The following F5 variants were observed in gnomAD, a reference collection of about 807,000 sequenced individuals.
F5 encodes the protein coagulation factor V, also known as activated protein c cofactor.
In F5, 138 loss-of-function variants were observed where a neutral mutation model predicts 216.4. That is an observed-to-expected ratio of 0.64 (90% CI 0.56 to 0.73). The LOEUF (loss-of-function observed/expected upper bound fraction) is 0.73, where lower values mean the gene tolerates loss of function less well. Among genes scored for constraint, F5 ranks in the 30% least tolerant of loss-of-function variants. F5 has a pLI of 0.00. For missense variants in F5, 2,403 were observed against 2,674.0 expected (o/e 0.90, Z 2.24); for synonymous variants, 916 against 930.7 (o/e 0.98, Z 0.29).
chr1:169,556,622 A>AAGACTGTC (rs772216626), intron 6 of F5, 24 bp downstream of exon 6: 181 of 1,611,142 alleles, frequency 1.1e-4, no homozygotes, highest in Non-Finnish European at 1.5e-4. Context: ...ATTGAGAAGC[A>AAGACTGTC]AGACTGTCAG....
At chr1:169,564,262 C>T (rs1230320836) in intron 3 of F5, among the ~76,000 whole-genome samples, 2 of 152,092 alleles carry the variant, frequency 1.3e-5, no homozygotes, top group African/African-American at 4.8e-5. Context: ...ATGTGCAGAT[C>T]AGTATTCAAC....
Position 169,542,059 on chromosome 1 carries a change from C to A in F5, c.3031G>T (p.Val1011Leu). The A allele has an allele frequency of 5.0e-6, 8 of 1,614,044 alleles. No homozygotes were observed. The highest frequency in any genetic ancestry group is 1.7e-5 in the Admixed American group (1 of 60,000). Residue 1011 changes from valine to leucine, a missense_variant, in exon 13 of 25, where the codon GTA (valine) becomes TTA (leucine). By Grantham distance (32) the Val-to-Leu change is conservative. This residue lies in a region of F5 where 1,425 missense variants were observed against 1,554.8 expected (regional missense o/e 0.92). Transcript: ENST00000367797. The stretch of plus-strand genomic sequence containing the variant: ...CTACTCTTTCCTCCATCCTGTCTTA[C>A]TTGTAGAGATTTATGTCTAACTCTA... Reference protein sequence around the residue: ...FPRVRHKSLQVRQDGGKSRLK... With the variant: ...FPRVRHKSLQLRQDGGKSRLK...
At chr1:169,537,622 T>C (rs758774122) in intron 13 of F5, among the ~76,000 whole-genome samples, 6 of 151,990 alleles carry the variant, frequency 3.9e-5, no homozygotes, top group Non-Finnish European at 5.9e-5. Flanking sequence ...TATAAGGAAC[T>C]CAATTCAGCA....
At position 169,512,799 on chromosome 1, in the gene F5, C is replaced by T. The variant is rs965852797; in HGVS notation, c.*1514G>A. Among the ~76,000 whole-genome samples, 2 of 152,082 alleles carry T rather than the reference C, an allele frequency of 1.3e-5. No homozygotes were observed. Among genetic ancestry groups the T allele is most frequent in the African/African-American group, 4.8e-5 (2 of 41,432 alleles). On this transcript the variant is annotated 3_prime_UTR_variant, in exon 25 of 25. Transcript: ENST00000367797. The stretch of plus-strand genomic sequence containing the variant: ...CCCCACTGGTATGGGCAACAGGTAA[C>T]TCTGGTAGTTTCTAAAGATGCTCCC...
intron 2 of F5, among the ~76,000 whole-genome samples, chr1:169,575,131 A>G (rs1660814929): frequency 6.6e-6 from 1 of 152,192 alleles, no homozygotes; most frequent in African/African-American, 2.4e-5. Flanking sequence ...GTCCAATTGG[A>G]GGTGAGTTGG....
At chr1:169,545,400 T>A (rs1274078803) in intron 11 of F5, among the ~76,000 whole-genome samples, 2 of 152,236 alleles carry the variant, frequency 1.3e-5, no homozygotes, top group South Asian at 4.1e-4. Context: ...AAAGTAAGTC[T>A]CATTAATTTT....
In F5 at chr1:169,546,710, A is replaced by G. The variant is rs565269156; in HGVS notation, c.1612-118T>C. On this transcript the variant is annotated intron_variant, in intron 10 of 24. Transcript: ENST00000367797. ...CAACTATCTGATCTGTGACAAAAGCAAGCAATAGGGAAAGGATTCTCTATT... is the reference window on the plus strand; with the variant it reads ...CAACTATCTGATCTGTGACAAAAGCGAGCAATAGGGAAAGGATTCTCTATT... The G allele has an allele frequency of 2.5e-4, 226 of 894,134 alleles. 4 individuals carry two copies. The highest frequency in any genetic ancestry group is 2.4e-3 in the South Asian group (174 of 72,054). 55.4% of individuals were successfully genotyped at this position (894,134 alleles called of 1,614,324 possible).
intron 15 of F5, 119 bp downstream of exon 15, chr1:169,530,667 G>T: frequency 3.4e-6 from 3 of 882,694 alleles, no homozygotes; most frequent in Admixed American, 1.7e-5. Flanking sequence ...ACACCCTTAT[G>T]CATTCCTCAT....
At chr1:169,537,545 G>A (rs551835718) in intron 13 of F5, among the ~76,000 whole-genome samples, 1 of 152,180 alleles carries the variant, frequency 6.6e-6, no homozygotes, top group African/African-American at 2.4e-5. Flanking sequence ...AGAGTGAAGA[G>A]ACAACCTTTG....
chr1:169,545,207 T>C (rs572968368), intron 11 of F5, among the ~76,000 whole-genome samples: 1 of 152,322 alleles, frequency 6.6e-6, no homozygotes, highest in South Asian at 2.1e-4. Flanking sequence ...ACTTTAATAA[T>C]TTACATGATG....
At chr1:169,515,342 A>C in intron 24 of F5, 102 bp downstream of exon 24, 1 of 1,313,116 alleles carries the variant, frequency 7.6e-7, no homozygotes, top group Non-Finnish European at 1.1e-6. Flanking sequence ...AGACTTAAAG[A>C]GGTGGTACAT....
At chr1:169,571,018 G>T (rs1660709648) in intron 3 of F5, among the ~76,000 whole-genome samples, 2 of 150,846 alleles carry the variant, frequency 1.3e-5, no homozygotes, top group Non-Finnish European at 3.0e-5. Flanking sequence ...TTCTCTCAAA[G>T]GTATGATGGC....
chr1:169,522,298 G>A (rs552511693), intron 21 of F5, among the ~76,000 whole-genome samples: 1 of 152,234 alleles, frequency 6.6e-6, no homozygotes, highest in African/African-American at 2.4e-5. Context: ...CTAGAATGTA[G>A]AAAAGAGCAT....
intron 24 of F5, 73 bp from the exon 25 acceptor site, chr1:169,514,532 A>G (rs1659114331): frequency 2.3e-6 from 3 of 1,301,940 alleles, no homozygotes; most frequent in Non-Finnish European, 2.2e-6. Context: ...GTTTTTTTTT[A>G]GACAGGGTCT....
At position 169,542,964 on chromosome 1, in the gene F5, A is replaced by G; in HGVS notation, c.2126T>C (p.Met709Thr). 1 of 1,613,998 alleles carries G rather than the reference A, an allele frequency of 6.2e-7. No individual in the cohort carries two copies. The highest frequency in any genetic ancestry group is 8.5e-7 in the Non-Finnish European group (1 of 1,179,970). ...ATCTTCAGGTTCTAAACGATCATGC[A>G]TTTTCCGTGTAGCCATGACTGTAGA... Reference protein sequence around the residue: ...PESTVMATRKMHDRLEPEDEE... With the variant: ...PESTVMATRKTHDRLEPEDEE... Residue 709 changes from methionine to threonine, a missense_variant, in exon 13 of 25, where the codon ATG becomes ACG. By Grantham distance (81) the Met-to-Thr change is moderately conservative. Coordinates refer to ENST00000367797, the MANE Select transcript of F5 (RefSeq NM_000130.5).
At chr1:169,532,031 A>C (rs1659604782) in intron 14 of F5, among the ~76,000 whole-genome samples, 1 of 152,214 alleles carries the variant, frequency 6.6e-6, no homozygotes, top group East Asian at 1.9e-4. Context: ...CTAGGATGCA[A>C]AGTGGCTCCA....
intron 21 of F5, among the ~76,000 whole-genome samples, chr1:169,521,410 CCTT>C (rs1659302844): frequency 6.6e-6 from 1 of 152,110 alleles, no homozygotes; most frequent in African/African-American, 2.4e-5. Flanking sequence ...AGGAACAATC[CCTT>C]CTTAGGTGGC....
intron 3 of F5, among the ~76,000 whole-genome samples, chr1:169,566,047 A>G (rs986368468): frequency 1.3e-5 from 2 of 152,140 alleles, no homozygotes; most frequent in Non-Finnish European, 2.9e-5. Context: ...AAAGATTACA[A>G]AAGAGCTTTG....
intron 1 of F5, 115 bp downstream of exon 1, chr1:169,586,114 T>G: frequency 8.4e-7 from 1 of 1,184,660 alleles, no homozygotes; most frequent in Non-Finnish European, 1.2e-6. Context: ...TTAGTTATAT[T>G]TACTTACCTG....
Sources: gnomAD v4.1 joint callset for allele counts (sites outside exome capture counted in the v4.1 genomes callset) on GRCh38, gnomAD v4.1.1 for gene constraint, gnomAD v4.1.1 regional missense constraint, MANE v1.5 for transcripts, NCBI Gene and HGNC (gene_info 2026-07-23, HGNC 2026-07-21) for gene names.